Variants in TRMT9B observed in about 807,000 individuals in gnomAD.
The protein encoded by TRMT9B is probable tRNA methyltransferase 9B.
A neutral mutation model predicts 11.5 loss-of-function variants in TRMT9B; 16 were observed. The observed-to-expected ratio is 1.39, with a 90% CI of 0.94 to 2.11. TRMT9B has a LOEUF of 2.11. TRMT9B is among the 30% of genes most tolerant of loss of function. TRMT9B has a pLI of 0.00. For synonymous variants in TRMT9B, 274 were observed against 192.4 expected (o/e 1.42, Z -3.51); for missense variants, 941 against 553.8 (o/e 1.70, Z -7.02).
At chr8:12,995,033 G>A (rs1447252545) in intron 2 of TRMT9B, among the ~76,000 whole-genome samples, 1 of 152,202 alleles carries the variant, frequency 6.6e-6, no homozygotes, top group Non-Finnish European at 1.5e-5. Flanking sequence ...GTTCCAAGGC[G>A]CAGCTCCCGA....
chr8:12,970,859 G>T (rs563294570), intron 1 of TRMT9B, among the ~76,000 whole-genome samples: 1 of 152,286 alleles, frequency 6.6e-6, no homozygotes, highest in African/African-American at 2.4e-5. Context: ...ATTCAAGTCT[G>T]CATATTGGCT....
intron 2 of TRMT9B, among the ~76,000 whole-genome samples, chr8:12,995,315 G>C (rs533441892): frequency 3.9e-5 from 6 of 152,166 alleles, no homozygotes; most frequent in Admixed American, 6.5e-5. Flanking sequence ...AAAGTTAAAT[G>C]AGCAATTGAT....
chr8:12,993,777 C>T (rs541251756), intron 2 of TRMT9B, among the ~76,000 whole-genome samples: 27 of 152,338 alleles, frequency 1.8e-4, no homozygotes, highest in African/African-American at 5.0e-4. Flanking sequence ...CTGTGGCCCC[C>T]ACTGGGGTAC....
chr8:12,966,349 A>T (rs1802825461), intron 1 of TRMT9B, among the ~76,000 whole-genome samples: 1 of 152,124 alleles, frequency 6.6e-6, no homozygotes, highest in Admixed American at 6.5e-5. Context: ...GGATGCAGAC[A>T]CTTTGTTAAC....
chr8:13,000,500 G>A (rs939260542), intron 2 of TRMT9B, among the ~76,000 whole-genome samples: 1 of 152,184 alleles, frequency 6.6e-6, no homozygotes, highest in African/African-American at 2.4e-5. Context: ...GGCAAGGGAA[G>A]GAACAAAGAT....
intron 4 of TRMT9B, among the ~76,000 whole-genome samples, chr8:13,013,684 G>C (rs1347975625): frequency 6.6e-6 from 1 of 152,154 alleles, no homozygotes; most frequent in Non-Finnish European, 1.5e-5. Context: ...CGGGTGCAGC[G>C]GCTCATGCCT....
At chr8:12,961,914 C>A (rs1017562418) in intron 1 of TRMT9B, 1 of 152,240 alleles carries the variant, frequency 6.6e-6, no homozygotes, top group Non-Finnish European at 1.5e-5. Context: ...AGAATATATT[C>A]AATCAGACTT....
Position 13,010,812 on chromosome 8 carries a change from G to A in TRMT9B, c.155-1872G>A, listed in dbSNP as rs114672627. ...GACCATCGTCTTTTGAAATACACAG[G>A]ATTTTAATTTTAAAATACTTTGTGA... On this transcript the variant is annotated intron_variant, in intron 3 of 4. Coordinates refer to ENST00000524591, the MANE Select transcript of TRMT9B (RefSeq NM_020844.3). The A allele has an allele frequency of 9.4e-5, 92 of 982,724 alleles. No individual in the cohort carries two copies. The African/African-American group carries it at 1.5e-3, about 16-fold the overall frequency. 60.9% of individuals were successfully genotyped at this position (982,724 alleles called of 1,614,324 possible). A position where few individuals can be genotyped will look rare whatever the true frequency, so the allele number is the denominator to read the frequency against.
In TRMT9B at chr8:13,021,827, A is replaced by G. The variant is rs1233476528; in HGVS notation, c.1148A>G (p.Asp383Gly). The G allele has an allele frequency of 6.2e-7, 1 of 1,613,768 alleles. No homozygotes were observed. The highest frequency in any genetic ancestry group is 8.5e-7 in the Non-Finnish European group (1 of 1,179,758). The change falls in exon 5 of 5, where the codon GAT becomes GGT. Residue 383 changes from aspartate to glycine, a missense_variant. Physicochemically the swap from Asp to Gly is moderately conservative, Grantham distance 94. Coordinates refer to ENST00000524591, the MANE Select transcript of TRMT9B (RefSeq NM_020844.3). ...ATATTGAGAAGGATTTCTGCAGTTG[A>G]TTCCACAGATTTCAACCCAGATGAT... is the stretch of plus-strand genomic sequence containing the variant. ...SKILRRISAV[D>G]STDFNPDDTM...
At chr8:13,001,650 A>G (rs1423483299) in intron 2 of TRMT9B, among the ~76,000 whole-genome samples, 4 of 152,238 alleles carry the variant, frequency 2.6e-5, no homozygotes. Flanking sequence ...AAAGACAGAA[A>G]GAGTATTATA....
chr8:13,003,536 C>T (rs1283281224), intron 2 of TRMT9B, among the ~76,000 whole-genome samples: 1 of 152,032 alleles, frequency 6.6e-6, no homozygotes, highest in Non-Finnish European at 1.5e-5. Context: ...GAATGTGCCA[C>T]CGCTGAGAAA....
At chr8:12,995,402 A>C (rs1298049103) in intron 2 of TRMT9B, among the ~76,000 whole-genome samples, 2 of 152,176 alleles carry the variant, frequency 1.3e-5, no homozygotes, top group Admixed American at 6.5e-5. Context: ...TATATTTTTT[A>C]CCTTTTCTTC....
At position 13,021,741 on chromosome 8, in the gene TRMT9B, T is replaced by C. The variant is rs752056367; in HGVS notation, c.1062T>C (p.Asn354=). Residue 354 remains asparagine, a synonymous_variant, in exon 5 of 5, where the codon AAT becomes AAC. Coordinates refer to ENST00000524591, the MANE Select transcript of TRMT9B (RefSeq NM_020844.3). ...GGGGAAATTTTCTGGATAGCACTAATACTGGTGTGAATTGTGTGGATGCAG... is the reference window on the plus strand; with the variant it reads ...GGGGAAATTTTCTGGATAGCACTAACACTGGTGTGAATTGTGTGGATGCAG... ...NGGGNFLDST[N]TGVNCVDAGN... 4.3e-5 allele frequency: 70 copies of C among 1,613,878 alleles called. No individual in the cohort carries two copies. In the East Asian group the frequency reaches 1.4e-3, roughly 31 times the overall value.
chr8:12,977,389 C>A (rs542709604), intron 1 of TRMT9B, among the ~76,000 whole-genome samples: 1 of 152,262 alleles, frequency 6.6e-6, no homozygotes, highest in African/African-American at 2.4e-5. Flanking sequence ...GTCACCATGA[C>A]CATCTTATTT....
chr8:13,011,206 G>C (rs1369502143), intron 3 of TRMT9B: 1 of 643,198 alleles, frequency 1.6e-6, no homozygotes, highest in Non-Finnish European at 1.9e-6. Context: ...GACTGGTCTC[G>C]AACTCCTGCC....
intron 2 of TRMT9B, among the ~76,000 whole-genome samples, chr8:13,004,563 G>C (rs748929286): frequency 1.6e-4 from 25 of 151,944 alleles, no homozygotes; most frequent in Non-Finnish European, 1.6e-4. Flanking sequence ...ACACACCCTG[G>C]GCCAGAAGGC....
chr8:13,008,180 C>T (rs1319459258), intron 3 of TRMT9B, among the ~76,000 whole-genome samples: 2 of 152,180 alleles, frequency 1.3e-5, no homozygotes, highest in African/African-American at 4.8e-5. Context: ...ATTTCATAAA[C>T]ATTGGGCTCA....
Position 12,998,866 on chromosome 8 carries a change from A to T in TRMT9B, c.-1-7336A>T, listed in dbSNP as rs549371596. Among the ~76,000 whole-genome samples the T allele has an allele frequency of 3.1e-3, 467 of 152,326 alleles. 2 individuals are homozygous for T. The highest frequency in any genetic ancestry group is 4.6e-3 in the Non-Finnish European group (311 of 68,032). On this transcript the variant is annotated intron_variant, in intron 2 of 4. Coordinates refer to ENST00000524591, the MANE Select transcript of TRMT9B (RefSeq NM_020844.3). ...CAGTGATCATTAAGAAGCTGGAAAAACTTGGGAAAAAACCTTTTTACTTTT... is the reference window on the plus strand; with the variant it reads ...CAGTGATCATTAAGAAGCTGGAAAATCTTGGGAAAAAACCTTTTTACTTTT...
At position 13,012,177 on chromosome 8, in the gene TRMT9B, T is replaced by G. The variant is rs1011032019; in HGVS notation, c.155-507T>G. On this transcript the variant is annotated intron_variant, in intron 3 of 4. Transcript: ENST00000524591. Reference sequence around the variant, plus strand: ...TAAATGTTATTTTTTTCCTATTGCCTTTCTCTCTTCTATATGAGAATCTGT... The same window carrying G: ...TAAATGTTATTTTTTTCCTATTGCCGTTCTCTCTTCTATATGAGAATCTGT... The G allele has an allele frequency of 9.1e-6, 9 of 985,410 alleles. No homozygotes were observed. The African/African-American group carries it at 1.6e-4, about 17-fold the overall frequency. 61.0% of individuals were successfully genotyped at this position (985,410 alleles called of 1,614,324 possible).
Sources: allele counts gnomAD v4.1 joint callset (sites outside exome capture counted in the v4.1 genomes callset), GRCh38; gene constraint gnomAD v4.1.1; transcripts MANE v1.5; gene names NCBI Gene and HGNC (gene_info 2026-07-23, HGNC 2026-07-21).